SGCZ: variants seen among roughly 807,000 people sequenced by gnomAD.
SGCZ encodes sarcoglycan zeta, also known as zeta-sarcoglycan.
A neutral mutation model predicts 41.3 loss-of-function variants in SGCZ; 40 were observed. The ratio of observed to expected loss-of-function variants is 0.97; its 90% CI spans 0.75 to 1.26. SGCZ has a LOEUF of 1.26. Ranked by LOEUF, SGCZ falls within the 50% of genes most tolerant of loss-of-function variation. SGCZ has a pLI of 0.00. For missense variants in SGCZ, 552 were observed against 369.8 expected, an observed-to-expected ratio of 1.49 and a Z score of -4.04; for synonymous variants, 206 against 137.5, an observed-to-expected ratio of 1.50 and a Z score of -3.49.
chr8:14,128,898 G>C (rs907365252), intron 5 of SGCZ, among the ~76,000 whole-genome samples: 2 of 152,176 alleles, frequency 1.3e-5, no homozygotes, highest in Non-Finnish European at 2.9e-5. Context: ...CAGCCATACA[G>C]AGTGGAATAA....
intron 1 of SGCZ, among the ~76,000 whole-genome samples, chr8:14,576,410 T>C (rs1460516452): frequency 6.6e-6 from 1 of 152,176 alleles, no homozygotes. Context: ...AGGTTCTGAA[T>C]AACAAGAGGA....
chr8:14,303,760 T>C (rs534025766), intron 3 of SGCZ, among the ~76,000 whole-genome samples: 1 of 152,196 alleles, frequency 6.6e-6, no homozygotes, highest in South Asian at 2.1e-4. Flanking sequence ...AATATCTATC[T>C]ACATACATAT....
intron 2 of SGCZ, among the ~76,000 whole-genome samples, chr8:14,549,331 G>C (rs1278292094): frequency 6.6e-6 from 1 of 151,998 alleles, no homozygotes; most frequent in Non-Finnish European, 1.5e-5. Flanking sequence ...ATCAGGGGAA[G>C]CTAGCCACCC....
intron 1 of SGCZ, among the ~76,000 whole-genome samples, chr8:14,698,847 T>G (rs1433976169): frequency 3.3e-5 from 5 of 151,926 alleles, no homozygotes; most frequent in Non-Finnish European, 5.9e-5. Context: ...GAAAGTAGTG[T>G]GAACACATGT....
intron 1 of SGCZ, among the ~76,000 whole-genome samples, chr8:15,146,585 T>C (rs531494257): frequency 2.6e-5 from 4 of 152,222 alleles, no homozygotes; most frequent in African/African-American, 9.6e-5. Flanking sequence ...AGTAGTGTAT[T>C]CTGTTTGTAG....
At position 14,471,639 on chromosome 8, in the gene SGCZ, C is replaced by G. The variant is rs76408655; in HGVS notation, c.234+83093G>C. ...AACTCCCTGGAAAAGTAATTTACCA[C>G]AAATGTCACATCAGCTACATAAAGC... is the stretch of plus-strand genomic sequence containing the variant. On this transcript the variant is annotated intron_variant, in intron 2 of 7. Transcript: ENST00000382080. Among the ~76,000 whole-genome samples, 313 of 152,074 alleles carry G rather than the reference C, an allele frequency of 2.1e-3. 2 individuals are homozygous for G. The highest frequency in any genetic ancestry group is 6.7e-3 in the African/African-American group (278 of 41,514).
At chr8:14,806,539 T>C (rs928111949) in intron 1 of SGCZ, among the ~76,000 whole-genome samples, 5 of 152,190 alleles carry the variant, frequency 3.3e-5, no homozygotes, top group African/African-American at 4.8e-5. Context: ...AGGAGGAAGT[T>C]GAATCTCTGA....
intron 1 of SGCZ, among the ~76,000 whole-genome samples, chr8:14,729,727 TG>T (rs1810170267): frequency 6.6e-6 from 1 of 152,164 alleles, no homozygotes; most frequent in Non-Finnish European, 1.5e-5. Flanking sequence ...TGGCAGCACT[TG>T]AAAACTGATA....
At chr8:14,430,806 C>G (rs1380015417) in intron 2 of SGCZ, among the ~76,000 whole-genome samples, 3 of 152,110 alleles carry the variant, frequency 2.0e-5, no homozygotes, top group Non-Finnish European at 4.4e-5. Context: ...CCAAAGACTC[C>G]TCCGTAAAGC....
intron 1 of SGCZ, among the ~76,000 whole-genome samples, chr8:14,924,894 G>A (rs1311724201): frequency 2.3e-5 from 3 of 130,764 alleles, no homozygotes; most frequent in East Asian, 2.2e-4. Flanking sequence ...TTCTCACTGT[G>A]TCACCCAGGC....
intron 5 of SGCZ, among the ~76,000 whole-genome samples, chr8:14,115,407 G>C (rs960508086): frequency 1.3e-5 from 2 of 151,880 alleles, no homozygotes; most frequent in South Asian, 2.1e-4. Context: ...CTATTTGATA[G>C]CACATGAGCT....
chr8:14,327,965 G>A (rs1328283223), intron 2 of SGCZ, among the ~76,000 whole-genome samples: 1 of 152,126 alleles, frequency 6.6e-6, no homozygotes, highest in Non-Finnish European at 1.5e-5. Context: ...ACTTTTAGTA[G>A]AGACAGGGTT....
At chr8:15,123,559 G>T (rs185817128) in intron 1 of SGCZ, among the ~76,000 whole-genome samples, 1 of 152,106 alleles carries the variant, frequency 6.6e-6, no homozygotes, top group African/African-American at 2.4e-5. Context: ...AAGTTATTAC[G>T]ATTTGATCAA....
chr8:14,720,769 C>A (rs1809858069), intron 1 of SGCZ, among the ~76,000 whole-genome samples: 1 of 152,036 alleles, frequency 6.6e-6, no homozygotes, highest in Admixed American at 6.6e-5. Context: ...TACTAACCAG[C>A]CATTTAAAAA....
At chr8:14,939,869 A>C (rs1246764973) in intron 1 of SGCZ, among the ~76,000 whole-genome samples, 1 of 152,142 alleles carries the variant, frequency 6.6e-6, no homozygotes, top group African/African-American at 2.4e-5. Context: ...AAAGAATTAA[A>C]ACCACATTGA....
intron 2 of SGCZ, among the ~76,000 whole-genome samples, chr8:14,471,356 A>C (rs1291058026): frequency 6.6e-6 from 1 of 152,172 alleles, no homozygotes; most frequent in African/African-American, 2.4e-5. Context: ...TAGAAATAGT[A>C]CTATTGTACT....
chr8:14,838,040 C>G lies in SGCZ; in HGVS notation c.40-283114G>C, dbSNP rs1019075598. ...AAGAACAAAATCCTATCATTTGCCA[C>G]GACGTGGACAGAAATGGAGTACATT... On this transcript the variant is annotated intron_variant, in intron 1 of 7. Coordinates refer to ENST00000382080, the MANE Select transcript of SGCZ (RefSeq NM_139167.4). Among the ~76,000 whole-genome samples, 22 of 152,076 alleles carry G rather than the reference C, an allele frequency of 1.4e-4. 1 individual carries two copies. The highest frequency in any genetic ancestry group is 5.3e-4 in the African/African-American group (22 of 41,394).
chr8:14,146,513 G>A (rs1005829054), intron 5 of SGCZ, among the ~76,000 whole-genome samples: 1 of 152,046 alleles, frequency 6.6e-6, no homozygotes, highest in African/African-American at 2.4e-5. Context: ...CAACTCACTG[G>A]CCATAGTAAG....
intron 3 of SGCZ, among the ~76,000 whole-genome samples, chr8:14,241,887 A>T (rs1431201029): frequency 1.3e-5 from 2 of 152,232 alleles, no homozygotes; most frequent in Admixed American, 6.5e-5. Context: ...TTTTTCTGAT[A>T]GGCTATGCAT....
Sources: allele counts gnomAD v4.1 joint callset (sites outside exome capture counted in the v4.1 genomes callset), GRCh38; gene constraint gnomAD v4.1.1; transcripts MANE v1.5; gene names NCBI Gene and HGNC (gene_info 2026-07-23, HGNC 2026-07-21).